Variants in EPC2 observed in about 807,000 individuals in gnomAD.
The protein encoded by EPC2 is enhancer of polycomb homolog 2.
Under a neutral mutation model 92.1 loss-of-function variants are expected in EPC2, and 14 were observed. The observed-to-expected ratio is 0.15, with a 90% CI of 0.10 to 0.24. EPC2 has a LOEUF of 0.24. EPC2 is among the 10% of genes least tolerant of loss of function. EPC2 has a pLI of 1.00. For synonymous variants in EPC2, 340 were observed against 334.7 expected, an observed-to-expected ratio of 1.02 and a Z score of -0.17; for missense variants, 755 against 971.5, an observed-to-expected ratio of 0.78 and a Z score of 2.96.
chr2:148,653,950 G>GTTTTTTTTTTT (rs34810067), intron 1 of EPC2, among the ~76,000 whole-genome samples: 1 of 131,786 alleles, frequency 7.6e-6, no homozygotes, highest in African/African-American at 2.8e-5. Flanking sequence ...TTTTTTTTTT[G>GTTTTTTTTTTT]TTTTTTTTTT....
At chr2:148,708,822 C>G (rs1219633072) in intron 2 of EPC2, among the ~76,000 whole-genome samples, 2 of 152,126 alleles carry the variant, frequency 1.3e-5, no homozygotes, top group Admixed American at 6.5e-5. Flanking sequence ...TCTCAATAAA[C>G]TAGGCATTGA....
chr2:148,714,166 G>T (rs995237324), intron 2 of EPC2, among the ~76,000 whole-genome samples: 2 of 149,524 alleles, frequency 1.3e-5, no homozygotes, highest in African/African-American at 4.9e-5. Flanking sequence ...TGCAGTATTT[G>T]ATTTTCTGTT....
chr2:148,674,488 A>C (rs1681224289), intron 1 of EPC2, among the ~76,000 whole-genome samples: 1 of 152,152 alleles, frequency 6.6e-6, no homozygotes, highest in East Asian at 1.9e-4. Flanking sequence ...TTGCCTCATC[A>C]CACCAAGTTG....
At chr2:148,759,441 T>C (rs1683258478) in intron 4 of EPC2, among the ~76,000 whole-genome samples, 1 of 152,198 alleles carries the variant, frequency 6.6e-6, no homozygotes, top group African/African-American at 2.4e-5. Flanking sequence ...GATGTCCTTA[T>C]AGCAGTAACT....
intron 2 of EPC2, among the ~76,000 whole-genome samples, chr2:148,705,068 C>CT (rs1294979910): frequency 1.3e-5 from 2 of 152,088 alleles, no homozygotes; most frequent in East Asian, 3.9e-4. Context: ...ATCCCAGACA[C>CT]TATTTCACCC....
chr2:148,688,586 A>AT (rs1380170766), intron 1 of EPC2, among the ~76,000 whole-genome samples: 1 of 152,122 alleles, frequency 6.6e-6, no homozygotes, highest in Admixed American at 6.5e-5. Context: ...TAAAAAAAGA[A>AT]TTTTGGCTTT....
chr2:148,755,378 T>TA (rs1027998228), intron 4 of EPC2, among the ~76,000 whole-genome samples: 30 of 150,914 alleles, frequency 2.0e-4, no homozygotes, highest in Admixed American at 5.3e-4. Flanking sequence ...TCTAAATCAT[T>TA]AAAAAAAAAC....
At chr2:148,775,781 T>TC (rs1376999452) in intron 10 of EPC2, among the ~76,000 whole-genome samples, 3 of 135,908 alleles carry the variant, frequency 2.2e-5, no homozygotes, top group South Asian at 2.5e-4. Context: ...TTTTCTTTTT[T>TC]TTTTTTTTTT....
At chr2:148,746,694 A>T (rs944324967) in intron 3 of EPC2, among the ~76,000 whole-genome samples, 2 of 152,136 alleles carry the variant, frequency 1.3e-5, no homozygotes, top group African/African-American at 2.4e-5. Flanking sequence ...AAATTTACTA[A>T]AGTTGAAGGC....
At chr2:148,681,444 A>G (rs1351460575) in intron 1 of EPC2, among the ~76,000 whole-genome samples, 1 of 152,218 alleles carries the variant, frequency 6.6e-6, no homozygotes, top group Non-Finnish European at 1.5e-5. Context: ...CTCAAAGGCT[A>G]CATTTGTTTA....
chr2:148,673,621 T>G (rs1054572087), intron 1 of EPC2, among the ~76,000 whole-genome samples: 1 of 152,222 alleles, frequency 6.6e-6, no homozygotes, highest in African/African-American at 2.4e-5. Flanking sequence ...TCTCACTCTG[T>G]CACCCAGGCT....
At chr2:148,773,593 C>T (rs905100086) in intron 10 of EPC2, among the ~76,000 whole-genome samples, 2 of 151,856 alleles carry the variant, frequency 1.3e-5, no homozygotes, top group Non-Finnish European at 2.9e-5. Flanking sequence ...TGACTGTGAC[C>T]CCTCTAGTCA....
intron 1 of EPC2, among the ~76,000 whole-genome samples, chr2:148,646,837 C>A (rs1683812505): frequency 6.6e-6 from 1 of 152,054 alleles, no homozygotes; most frequent in African/African-American, 2.4e-5. Flanking sequence ...CTAGGCCGGG[C>A]ACGGTGGGTC....
chr2:148,690,799 A>T (rs756069460), intron 2 of EPC2, among the ~76,000 whole-genome samples: 1 of 151,810 alleles, frequency 6.6e-6, no homozygotes, highest in South Asian at 2.1e-4. Context: ...AGTAGTTGGG[A>T]TTACAGGCGT....
chr2:148,701,876 T>C (rs1681892798), intron 2 of EPC2, among the ~76,000 whole-genome samples: 1 of 152,114 alleles, frequency 6.6e-6, no homozygotes, highest in African/African-American at 2.4e-5. Context: ...TTTGGGAGGT[T>C]TTTTGATTTG....
At chr2:148,774,325 T>C (rs1683581084) in intron 10 of EPC2, among the ~76,000 whole-genome samples, 1 of 152,250 alleles carries the variant, frequency 6.6e-6, no homozygotes, top group Non-Finnish European at 1.5e-5. Flanking sequence ...TCATAACCCA[T>C]GTGTCCAAAA....
chr2:148,786,315 G>T lies in EPC2; in HGVS notation c.2362G>T (p.Glu788Ter). ...GCCTTATTACCATAGAGAGAACCAC[G>T]AACCAGAAAGATTGGGCTTAAATGG... ...AISSIARENH[E>*]PERLGLNGIA... The change falls in exon 14 of 14, where the codon GAA (glutamate) becomes TAA (stop). Residue 788 changes from glutamate to a stop codon, truncating the protein, a stop_gained. Coordinates refer to ENST00000258484, the MANE Select transcript of EPC2 (RefSeq NM_015630.4). LOFTEE classifies it high-confidence loss of function. The T allele has an allele frequency of 6.2e-7, 1 of 1,611,552 alleles. No homozygotes were observed. The highest frequency in any genetic ancestry group is 8.5e-7 in the Non-Finnish European group (1 of 1,178,800).
rs143706316 is a variant in EPC2, at chr2:148,697,727, C to T, written c.313+7354C>T. On this transcript the variant is annotated intron_variant, in intron 2 of 13. Transcript: ENST00000258484. ...TCAAACACATGCATGCATGTGTGCA[C>T]GCATACACTAGAAGAACACAAAATA... Among the ~76,000 whole-genome samples the T allele has an allele frequency of 5.8e-3, 881 of 152,266 alleles. 13 individuals are homozygous for T. Among genetic ancestry groups the T allele is most frequent in the African/African-American group, 0.02 (834 of 41,564 alleles).
chr2:148,778,982 CACCT>C (rs1170626356), intron 10 of EPC2, among the ~76,000 whole-genome samples: 8 of 152,142 alleles, frequency 5.3e-5, no homozygotes, highest in Admixed American at 2.6e-4. Flanking sequence ...TATCAAAATC[CACCT>C]AGGTTTAAAA....
Sources: gnomAD v4.1 joint callset for allele counts (sites outside exome capture counted in the v4.1 genomes callset) on GRCh38, gnomAD v4.1.1 for gene constraint, MANE v1.5 for transcripts, NCBI Gene and HGNC (gene_info 2026-07-23, HGNC 2026-07-21) for gene names.